Variants in MEI4 observed in about 807,000 individuals in gnomAD.
MEI4 encodes the protein meiosis-specific protein MEI4.
MEI4 carries 27 observed loss-of-function variants against 31.4 expected under a neutral mutation model. The ratio of observed to expected loss-of-function variants is 0.86; its 90% CI spans 0.63 to 1.19. The LOEUF is 1.19. Ranked by LOEUF, MEI4 falls within the 50% of genes most tolerant of loss-of-function variation. MEI4 has a pLI of 0.00. For synonymous variants in MEI4, 122 were observed against 145.4 expected (o/e 0.84, Z 1.16); for missense variants, 329 against 398.9 (o/e 0.82, Z 1.49).
intron 4 of MEI4, among the ~76,000 whole-genome samples, chr6:77,882,827 A>T (rs1251081267): frequency 6.6e-6 from 1 of 152,204 alleles, no homozygotes; most frequent in African/African-American, 2.4e-5. Flanking sequence ...ATATATTGGG[A>T]CGTTAATTTG....
chr6:77,878,632 G>A (rs796171326), intron 4 of MEI4, among the ~76,000 whole-genome samples: 31 of 80,686 alleles, frequency 3.8e-4, no homozygotes, highest in African/African-American at 1.9e-3. Flanking sequence ...TTTGTTCAGA[G>A]GTTTGCTGTT....
At chr6:77,837,661 A>C (rs12528266) in intron 4 of MEI4, among the ~76,000 whole-genome samples, 14,010 of 152,182 alleles carry the variant, frequency 0.092, 935 homozygotes, top group East Asian at 0.31. Flanking sequence ...TTCAATATTT[A>C]CTATCTTGAT....
intron 2 of MEI4, among the ~76,000 whole-genome samples, chr6:77,759,069 TTTTG>T (rs3079764): frequency 7.9e-5 from 12 of 152,052 alleles, no homozygotes; most frequent in East Asian, 1.9e-4. Flanking sequence ...GTAACTGGTG[TTTTG>T]TTTGTTTGTT....
At chr6:77,916,014 C>A (rs186548067) in intron 4 of MEI4, among the ~76,000 whole-genome samples, 84 of 151,962 alleles carry the variant, frequency 5.5e-4, no homozygotes, top group Admixed American at 1.6e-3. Context: ...TTTTCAAGTT[C>A]TGGATTTTTT....
intron 3 of MEI4, among the ~76,000 whole-genome samples, chr6:77,798,982 A>T (rs1231567882): frequency 6.6e-6 from 1 of 152,028 alleles, no homozygotes; most frequent in African/African-American, 2.4e-5. Context: ...TAGCAGCATG[A>T]TTTATAGTCC....
At chr6:77,744,460 G>A (rs1767522549) in intron 2 of MEI4, among the ~76,000 whole-genome samples, 1 of 152,052 alleles carries the variant, frequency 6.6e-6, no homozygotes, top group Non-Finnish European at 1.5e-5. Context: ...CGAGAAATAT[G>A]GGACTATGCG....
intron 3 of MEI4, among the ~76,000 whole-genome samples, chr6:77,797,707 G>A (rs919562277): frequency 6.6e-6 from 1 of 152,096 alleles, no homozygotes; most frequent in African/African-American, 2.4e-5. Flanking sequence ...GTTGAAAGCC[G>A]GAAGACTCAG....
At chr6:77,665,144 A>G (rs1200390466) in intron 1 of MEI4, among the ~76,000 whole-genome samples, 5 of 151,822 alleles carry the variant, frequency 3.3e-5, no homozygotes, top group Non-Finnish European at 1.5e-5. Context: ...GCATGGAAAT[A>G]AGGGATGGGG....
intron 4 of MEI4, among the ~76,000 whole-genome samples, chr6:77,893,312 T>G (rs770498114): frequency 7.9e-5 from 12 of 152,208 alleles, no homozygotes; most frequent in Non-Finnish European, 1.5e-4. Context: ...TTCTCCCATT[T>G]GCATTATTTT....
chr6:77,714,643 A>G (rs909367874), intron 2 of MEI4, among the ~76,000 whole-genome samples: 1 of 152,206 alleles, frequency 6.6e-6, no homozygotes, highest in African/African-American at 2.4e-5. Flanking sequence ...AGCTGATTCC[A>G]TTCAAGGCGC....
intron 3 of MEI4, among the ~76,000 whole-genome samples, chr6:77,786,504 T>C (rs1342019909): frequency 2.0e-5 from 3 of 152,124 alleles, no homozygotes; most frequent in Non-Finnish European, 4.4e-5. Context: ...TAAATAATAT[T>C]ACAAGGATGT....
chr6:77,802,633 G>T (rs1769299945), intron 3 of MEI4, among the ~76,000 whole-genome samples: 2 of 152,138 alleles, frequency 1.3e-5, no homozygotes, highest in African/African-American at 4.8e-5. Context: ...CATGTGTAGT[G>T]TTTCCTTCAG....
At chr6:77,683,565 G>C (rs1259035822) in intron 1 of MEI4, among the ~76,000 whole-genome samples, 4 of 151,692 alleles carry the variant, frequency 2.6e-5, no homozygotes, top group Non-Finnish European at 5.9e-5. Context: ...TTTCTCTCTG[G>C]CCCCCACCCT....
chr6:77,765,538 G>T (rs532530655), intron 3 of MEI4, among the ~76,000 whole-genome samples: 2 of 151,158 alleles, frequency 1.3e-5, no homozygotes, highest in East Asian at 3.9e-4. Context: ...TTAGCATTAG[G>T]TATATCTCCT....
chr6:77,681,188 ACTT>A lies in MEI4; in HGVS notation c.-14-9466_-14-9464del, dbSNP rs574082073. 3.3e-5 allele frequency among the ~76,000 whole-genome samples: 5 copies of A among 152,078 alleles called. No individual in the cohort carries two copies. The South Asian group carries it at 1.0e-3, about 32-fold the overall frequency. On this transcript the variant is annotated intron_variant, in intron 1 of 4. Transcript: ENST00000684080. The stretch of plus-strand genomic sequence containing the variant: ...CCTCTCTCAGTTGTCTCTTCTGGTT[ACTT>A]CTTTGCTTTCTGGATTCATCCTATG...
At chr6:77,867,154 A>G (rs1410634959) in intron 4 of MEI4, among the ~76,000 whole-genome samples, 1 of 152,230 alleles carries the variant, frequency 6.6e-6, no homozygotes, top group Non-Finnish European at 1.5e-5. Flanking sequence ...CATTCAGGAC[A>G]TAGGCATGGG....
At chr6:77,790,326 A>G (rs562480490) in intron 3 of MEI4, among the ~76,000 whole-genome samples, 386 of 152,052 alleles carry the variant, frequency 2.5e-3, no homozygotes, top group African/African-American at 9.1e-3. Flanking sequence ...TGGGTGCAGC[A>G]CACCAACATG....
Position 77,830,638 on chromosome 6 carries a change from G to A in MEI4, c.900+1576G>A, listed in dbSNP as rs1490546283. On this transcript the variant is annotated intron_variant, in intron 4 of 4. Coordinates refer to ENST00000684080, the MANE Select transcript of MEI4 (RefSeq NM_001322247.2). ...TTCTGTTTGCTTGTATTTTGCTAAG[G>A]AGTTTTGCATTGGCCAAAGGGCAGT... Among the ~76,000 whole-genome samples, 3 of 152,018 alleles carry A rather than the reference G, an allele frequency of 2.0e-5. No homozygotes were observed. The East Asian group carries it at 5.8e-4, about 29-fold the overall frequency.
chr6:77,793,394 C>T (rs530257579), intron 3 of MEI4, among the ~76,000 whole-genome samples: 145 of 152,170 alleles, frequency 9.5e-4, no homozygotes, highest in Non-Finnish European at 1.7e-3. Flanking sequence ...TGCTATAGGG[C>T]GTTCTTTGGG....
Sources: allele counts gnomAD v4.1 joint callset (sites outside exome capture counted in the v4.1 genomes callset), GRCh38; gene constraint gnomAD v4.1.1; transcripts MANE v1.5; gene names NCBI Gene and HGNC (gene_info 2026-07-23, HGNC 2026-07-21).